Variants in CDH8 observed in about 807,000 individuals in gnomAD.
CDH8 encodes the protein cadherin 8, also known as cadherin-8.
In CDH8, 17 loss-of-function variants were observed where a neutral mutation model predicts 68.1. The observed-to-expected ratio is 0.25, with a 90% CI of 0.17 to 0.37. The LOEUF (loss-of-function observed/expected upper bound fraction) is 0.37, where lower values mean the gene tolerates loss of function less well. CDH8 is among the 10% of genes least tolerant of loss of function. The pLI, the probability that CDH8 is intolerant of heterozygous loss-of-function variation, is 1.00. For missense variants in CDH8, 763 were observed against 999.3 expected, an observed-to-expected ratio of 0.76 and a Z score of 3.19; for synonymous variants, 372 against 365.1, an observed-to-expected ratio of 1.02 and a Z score of -0.21.
intron 8 of CDH8, among the ~76,000 whole-genome samples, chr16:61,782,550 A>G (rs1348851157): frequency 1.3e-5 from 2 of 151,632 alleles, no homozygotes; most frequent in African/African-American, 4.9e-5. Context: ...TTAGGTAAAC[A>G]AAGCAGCCAG....
intron 3 of CDH8, 198 bp downstream of exon 3, chr16:61,900,981 G>T: frequency 1.8e-6 from 1 of 546,444 alleles, no homozygotes; most frequent in South Asian, 2.9e-5. Context: ...TAATAAAATT[G>T]CTCTTCCATC....
intron 1 of CDH8, among the ~76,000 whole-genome samples, chr16:62,034,580 A>C (rs1004020080): frequency 1.3e-5 from 2 of 152,030 alleles, no homozygotes; most frequent in African/African-American, 4.8e-5. Context: ...ACTCTCGCTT[A>C]CCTTCCCTAG....
intron 2 of CDH8, among the ~76,000 whole-genome samples, chr16:61,988,074 CATT>C (rs1273856471): frequency 6.6e-6 from 1 of 152,086 alleles, no homozygotes; most frequent in Non-Finnish European, 1.5e-5. Context: ...AAAAATGTAT[CATT>C]GTTACAATAC....
intron 5 of CDH8, among the ~76,000 whole-genome samples, chr16:61,823,791 T>C (rs1361263258): frequency 6.6e-6 from 1 of 151,908 alleles, no homozygotes; most frequent in Non-Finnish European, 1.5e-5. Flanking sequence ...CTCCAGACTC[T>C]TGCTGCAGCA....
chr16:61,850,027 T>C lies in CDH8; in HGVS notation c.667+7092A>G, dbSNP rs564938174. On this transcript the variant is annotated intron_variant, in intron 4 of 11. Transcript: ENST00000577390. ...AAATTGCGTACTTAATGAAGAATTA[T>C]GTACAAGTGGACTTATATACTATCC... Among the ~76,000 whole-genome samples, 16 of 152,242 alleles carry C rather than the reference T, an allele frequency of 1.1e-4. No individual in the cohort carries two copies. The East Asian group carries it at 2.9e-3, about 28-fold the overall frequency.
At chr16:61,700,484 T>C (rs539124294) in intron 10 of CDH8, among the ~76,000 whole-genome samples, 1 of 152,170 alleles carries the variant, frequency 6.6e-6, no homozygotes, top group African/African-American at 2.4e-5. Context: ...TTTCACCATG[T>C]TGGCCAGGAT....
chr16:61,995,937 A>G (rs1965799135), intron 2 of CDH8, among the ~76,000 whole-genome samples: 1 of 152,230 alleles, frequency 6.6e-6, no homozygotes, highest in Non-Finnish European at 1.5e-5. Context: ...ACAAGAATGT[A>G]TGAAATCTTC....
At chr16:61,957,597 T>C (rs927092975) in intron 2 of CDH8, among the ~76,000 whole-genome samples, 2 of 152,194 alleles carry the variant, frequency 1.3e-5, no homozygotes, top group African/African-American at 4.8e-5. Flanking sequence ...TATATAGATA[T>C]ATGAACACAA....
chr16:61,666,075 G>A lies in CDH8; in HGVS notation c.1655-10354C>T, dbSNP rs565445276. On this transcript the variant is annotated intron_variant, in intron 10 of 11. Coordinates refer to ENST00000577390, the MANE Select transcript of CDH8 (RefSeq NM_001796.5). ...TGTCCCTCTCAGTCCCACCTGGGATGTAAATCGTCCCTTTTTCCGGCATAT... is the reference window on the plus strand; with the variant it reads ...TGTCCCTCTCAGTCCCACCTGGGATATAAATCGTCCCTTTTTCCGGCATAT... 4.7e-4 allele frequency among the ~76,000 whole-genome samples: 72 copies of A among 151,884 alleles called. 1 individual carries two copies. The South Asian group carries it at 0.014, about 30-fold the overall frequency.
intron 10 of CDH8, chr16:61,667,460 A>G (rs1963702649): frequency 6.6e-6 from 1 of 152,012 alleles, no homozygotes; most frequent in South Asian, 2.1e-4. Context: ...CACTGTAACC[A>G]TCTAGCAGTA....
chr16:61,881,133 G>A (rs1963569210), intron 3 of CDH8, among the ~76,000 whole-genome samples: 2 of 152,310 alleles, frequency 1.3e-5, no homozygotes, highest in East Asian at 3.9e-4. Context: ...TGAAGCAGAA[G>A]ATCTACAGAC....
intron 10 of CDH8, among the ~76,000 whole-genome samples, chr16:61,665,570 A>G (rs929325524): frequency 6.6e-6 from 1 of 151,940 alleles, no homozygotes; most frequent in Non-Finnish European, 1.5e-5. Context: ...CTTAAAACCT[A>G]GAAGACAGGT....
At chr16:61,870,294 T>C (rs1250516204) in intron 3 of CDH8, among the ~76,000 whole-genome samples, 1 of 152,186 alleles carries the variant, frequency 6.6e-6, no homozygotes, top group Non-Finnish European at 1.5e-5. Context: ...CGAAGCACAA[T>C]TAATATCTTT....
chr16:61,846,608 A>G (rs1962811123), intron 4 of CDH8, among the ~76,000 whole-genome samples: 1 of 152,046 alleles, frequency 6.6e-6, no homozygotes, highest in South Asian at 2.1e-4. Context: ...TGGTCAGAAA[A>G]CCGAGCTCTG....
At chr16:61,699,572 T>C (rs1964385217) in intron 10 of CDH8, among the ~76,000 whole-genome samples, 1 of 152,184 alleles carries the variant, frequency 6.6e-6, no homozygotes. Flanking sequence ...TTTTCATTTT[T>C]ATTTTATTTT....
In CDH8 at chr16:61,960,061, G is replaced by A. The variant is rs191898665; in HGVS notation, c.253-58588C>T. Among the ~76,000 whole-genome samples the A allele has an allele frequency of 8.5e-3, 435 of 51,124 alleles. 87 individuals carry two copies. In the African/African-American group the frequency reaches 0.087, roughly 10 times the overall value. 33.5% of individuals were successfully genotyped at this position (51,124 alleles called of 152,430 possible). A position where few individuals can be genotyped will look rare whatever the true frequency, so the allele number is the denominator to read the frequency against. On this transcript the variant is annotated intron_variant, in intron 2 of 11. Coordinates refer to ENST00000577390, the MANE Select transcript of CDH8 (RefSeq NM_001796.5). ...ACAACATATATGTATGTATGTGTGT[G>A]TGTATACACATACATATATACATAT...
intron 7 of CDH8, among the ~76,000 whole-genome samples, chr16:61,794,075 G>A (rs976440736): frequency 2.0e-5 from 3 of 152,054 alleles, no homozygotes; most frequent in Non-Finnish European, 2.9e-5. Context: ...TGAATAAGAT[G>A]GTAAGAATTT....
At chr16:61,661,393 G>T (rs1963554139) in intron 10 of CDH8, among the ~76,000 whole-genome samples, 1 of 151,832 alleles carries the variant, frequency 6.6e-6, no homozygotes, top group African/African-American at 2.4e-5. Context: ...CTAATCCAAA[G>T]TAGGTTGTCT....
chr16:61,959,995 T>TATATAC (rs1311559637), intron 2 of CDH8, among the ~76,000 whole-genome samples: 1 of 78,686 alleles, frequency 1.3e-5, no homozygotes, highest in African/African-American at 8.1e-5. Context: ...TATATATATA[T>TATATAC]ATATATATAT....
Sources: allele counts gnomAD v4.1 joint callset (sites outside exome capture counted in the v4.1 genomes callset), GRCh38; gene constraint gnomAD v4.1.1; transcripts MANE v1.5; gene names NCBI Gene and HGNC (gene_info 2026-07-23, HGNC 2026-07-21).